Variants in JMJD1C observed in about 807,000 individuals in gnomAD.
The protein encoded by JMJD1C is jumonji domain containing 1C.
A neutral mutation model predicts 245.3 loss-of-function variants in JMJD1C; 31 were observed. The observed-to-expected ratio is 0.13, with a 90% confidence interval of 0.09 to 0.17. The LOEUF (loss-of-function observed/expected upper bound fraction) is 0.17. JMJD1C is among the 10% of genes least tolerant of loss of function. JMJD1C has a pLI of 1.00. For missense variants in JMJD1C, 2,691 were observed against 3,000.2 expected, an observed-to-expected ratio of 0.90 and a Z score of 2.41; for synonymous variants, 1,057 against 1,017.4, an observed-to-expected ratio of 1.04 and a Z score of -0.74.
At chr10:63,287,689 C>T (rs1858155302) in intron 2 of JMJD1C, among the ~76,000 whole-genome samples, 1 of 152,058 alleles carries the variant, frequency 6.6e-6, no homozygotes, top group Non-Finnish European at 1.5e-5. Context: ...TTAGAATACC[C>T]TGTAATTATT....
At chr10:63,378,314 G>A (rs1363528211) in intron 2 of JMJD1C, among the ~76,000 whole-genome samples, 1 of 152,044 alleles carries the variant, frequency 6.6e-6, no homozygotes, top group Non-Finnish European at 1.5e-5. Flanking sequence ...AAAATTGGCT[G>A]GGCACGGTGG....
At chr10:63,339,395 T>C (rs938113202) in intron 2 of JMJD1C, among the ~76,000 whole-genome samples, 7 of 152,090 alleles carry the variant, frequency 4.6e-5, no homozygotes, top group African/African-American at 1.4e-4. Context: ...CACTTGCATA[T>C]ACACGGTATG....
intron 2 of JMJD1C, among the ~76,000 whole-genome samples, chr10:63,374,473 C>A (rs1465612752): frequency 6.6e-6 from 1 of 152,048 alleles, no homozygotes; most frequent in Middle Eastern, 3.2e-3. Context: ...GATAAAAACA[C>A]CCCAACACTG....
At position 63,214,139 on chromosome 10, in the gene JMJD1C, C is replaced by T. The variant is rs1018876291; in HGVS notation, c.2028G>A (p.Lys676=). 1 of 1,614,172 alleles carries T rather than the reference C, an allele frequency of 6.2e-7. No individual in the cohort carries two copies. Among genetic ancestry groups the T allele is most frequent in the East Asian group, 2.2e-5 (1 of 44,880 alleles). The change falls in exon 8 of 26, where the codon AAG becomes AAA. Residue 676 remains lysine, a synonymous_variant. Transcript: ENST00000399262. ...TGCATCTTGATAGCTCATGTTCTAT[C>T]TTATTTGCCAATCTTCTTTCACCAG... ...QATGERRLAN[K]IEHELSRCSF...
chr10:63,520,937 A>G (rs1955198280), intron 1 of JMJD1C, among the ~76,000 whole-genome samples: 1 of 152,184 alleles, frequency 6.6e-6, no homozygotes, highest in Non-Finnish European at 1.5e-5. Context: ...GGGCCTCCGT[A>G]AACACTGAGG....
intron 2 of JMJD1C, among the ~76,000 whole-genome samples, chr10:63,322,389 C>T (rs1024675947): frequency 6.6e-6 from 1 of 152,004 alleles, no homozygotes; most frequent in Non-Finnish European, 1.5e-5. Flanking sequence ...ATATTATGAG[C>T]GCAAGAGATG....
chr10:63,324,770 A>C (rs1175000282), intron 2 of JMJD1C, among the ~76,000 whole-genome samples: 1 of 152,212 alleles, frequency 6.6e-6, no homozygotes, highest in Non-Finnish European at 1.5e-5. Context: ...TTTCGGGAAG[A>C]AAAGAGGTTC....
At chr10:63,300,103 C>T (rs1044880062) in intron 2 of JMJD1C, among the ~76,000 whole-genome samples, 1 of 152,140 alleles carries the variant, frequency 6.6e-6, no homozygotes, top group Non-Finnish European at 1.5e-5. Context: ...TACTTGAATG[C>T]TGACTCCACT....
At chr10:63,476,410 C>T (rs1953663442) in intron 1 of JMJD1C, among the ~76,000 whole-genome samples, 1 of 152,014 alleles carries the variant, frequency 6.6e-6, no homozygotes, top group Admixed American at 6.6e-5. Flanking sequence ...ATACGATTTA[C>T]CATAAAATGA....
intron 1 of JMJD1C, among the ~76,000 whole-genome samples, chr10:63,414,039 T>A (rs1456167775): frequency 6.8e-6 from 1 of 147,694 alleles, no homozygotes; most frequent in Non-Finnish European, 1.5e-5. Context: ...CAGGCTGGAG[T>A]GCAGTGGTGC....
At chr10:63,344,107 T>C (rs919757503) in intron 2 of JMJD1C, among the ~76,000 whole-genome samples, 1 of 152,192 alleles carries the variant, frequency 6.6e-6, no homozygotes, top group Non-Finnish European at 1.5e-5. Flanking sequence ...TCTACGGTAG[T>C]GTACAGTAAC....
intron 8 of JMJD1C, among the ~76,000 whole-genome samples, chr10:63,210,655 T>G (rs1233054290): frequency 1.3e-5 from 2 of 152,174 alleles, no homozygotes; most frequent in African/African-American, 4.8e-5. Context: ...TCTAGCTAGC[T>G]TATCTTTGTG....
At position 63,429,674 on chromosome 10, in the gene JMJD1C, A is replaced by C. The variant is rs570794879; in HGVS notation, c.168+35821T>G. 8.5e-5 allele frequency among the ~76,000 whole-genome samples: 13 copies of C among 152,344 alleles called. No individual in the cohort carries two copies. In the East Asian group the frequency reaches 2.3e-3, roughly 27 times the overall value. ...AACATTTGCCAGTTGAGAAAGCAGC[A>C]CCTTGGCATCTCAAACAAGTATGAA... On this transcript the variant is annotated intron_variant, in intron 1 of 25. Coordinates refer to ENST00000399262, the MANE Select transcript of JMJD1C (RefSeq NM_032776.3).
chr10:63,505,902 T>C (rs1954704477), intron 1 of JMJD1C, among the ~76,000 whole-genome samples: 1 of 143,268 alleles, frequency 7.0e-6, no homozygotes, highest in South Asian at 2.3e-4. Context: ...AATCGAAGCC[T>C]GACATCCATG....
intron 2 of JMJD1C, among the ~76,000 whole-genome samples, chr10:63,331,323 T>A (rs898202067): frequency 6.6e-6 from 1 of 152,190 alleles, no homozygotes; most frequent in African/African-American, 2.4e-5. Flanking sequence ...CATTACTTAC[T>A]TTTTTCCTAT....
At position 63,373,801 on chromosome 10, in the gene JMJD1C, T is replaced by C. The variant is rs1046184889; in HGVS notation, c.333+6517A>G. ...GTAGGAATTTTAAAACGCTTAACTT[T>C]ATAATTGCTGTTTATAGACATCCTT... is the stretch of plus-strand genomic sequence containing the variant. On this transcript the variant is annotated intron_variant, in intron 2 of 25. Coordinates refer to ENST00000399262, the MANE Select transcript of JMJD1C (RefSeq NM_032776.3). 5.9e-5 allele frequency among the ~76,000 whole-genome samples: 9 copies of C among 152,324 alleles called. No homozygotes were observed. In the East Asian group the frequency reaches 1.2e-3, roughly 20 times the overall value.
chr10:63,184,837 T>G, intron 20 of JMJD1C, 99 bp from the exon 21 acceptor site: 1 of 1,109,704 alleles, frequency 9.0e-7, no homozygotes, highest in East Asian at 2.5e-5. Flanking sequence ...GCAGACTACC[T>G]TTCCATAAGA....
chr10:63,301,125 C>A (rs1442770868), intron 2 of JMJD1C, among the ~76,000 whole-genome samples: 1 of 152,166 alleles, frequency 6.6e-6, no homozygotes, highest in Non-Finnish European at 1.5e-5. Flanking sequence ...AAGTGATCCT[C>A]CTGCTTCAGC....
At chr10:63,311,912 T>C (rs892254672) in intron 2 of JMJD1C, among the ~76,000 whole-genome samples, 6 of 152,174 alleles carry the variant, frequency 3.9e-5, no homozygotes, top group African/African-American at 1.4e-4. Flanking sequence ...TATTAGGTTA[T>C]TCTTAATTTA....
Sources: gnomAD v4.1 joint callset for allele counts (sites outside exome capture counted in the v4.1 genomes callset) on GRCh38, gnomAD v4.1.1 for gene constraint, MANE v1.5 for transcripts, NCBI Gene and HGNC (gene_info 2026-07-23, HGNC 2026-07-21) for gene names.